KLRG1: variants seen among roughly 807,000 people sequenced by gnomAD.
KLRG1 encodes the protein killer cell lectin-like receptor subfamily G member 1.
A neutral mutation model predicts 21.8 loss-of-function variants in KLRG1; 16 were observed. The ratio of observed to expected loss-of-function variants is 0.73; its 90% CI spans 0.50 to 1.11. The LOEUF is 1.11. Ranked by LOEUF, KLRG1 falls within the 50% of genes most tolerant of loss-of-function variation. The pLI is 0.00. For missense variants in KLRG1, 173 were observed against 218.3 expected (o/e 0.79, Z 1.31); for synonymous variants, 69 against 75.9 (o/e 0.91, Z 0.47).
the KLRG1 span, among the ~76,000 whole-genome samples, chr12:9,125,373 G>A: frequency 3.9e-5 from 6 of 152,146 alleles, no homozygotes; most frequent in South Asian, 4.1e-4. Flanking sequence ...CCTGGATGCA[G>A]GACAAGAGCT....
At chr12:9,034,710 G>A in the KLRG1 span, among the ~76,000 whole-genome samples, 8 of 152,214 alleles carry the variant, frequency 5.3e-5, no homozygotes, top group African/African-American at 1.9e-4. Flanking sequence ...GCCTCCCAAA[G>A]TGTTGGGATT....
At chr12:8,975,804 C>T (rs752492905) in intron 1 of KLRG1, among the ~76,000 whole-genome samples, 22 of 152,226 alleles carry the variant, frequency 1.4e-4, no homozygotes, top group Admixed American at 7.2e-4. Context: ...TCAGGTGATC[C>T]GCCCACCTTG....
chr12:9,012,564 C>T (rs752528252), downstream of KLRG1, among the ~76,000 whole-genome samples: 38 of 151,894 alleles, frequency 2.5e-4, no homozygotes, highest in African/African-American at 8.5e-4. Context: ...CTATGGTAGC[C>T]ATGGGGAGAG....
At chr12:9,011,568 A>T (rs1392619161), downstream of KLRG1, among the ~76,000 whole-genome samples, 5 of 152,208 alleles carry the variant, frequency 3.3e-5, no homozygotes, top group African/African-American at 7.2e-5. Flanking sequence ...GAGGAGGTGG[A>T]GCAAGAACAA....
chr12:9,153,046 C>T, the KLRG1 span: 17 of 1,604,510 alleles, frequency 1.1e-5, no homozygotes, highest in East Asian at 3.3e-4. Context: ...TTTACTTTCC[C>T]AGGAAGGAAG....
At chr12:9,210,546 T>A in the KLRG1 span, among the ~76,000 whole-genome samples, 1 of 152,152 alleles carries the variant, frequency 6.6e-6, no homozygotes, top group East Asian at 1.9e-4. Flanking sequence ...CCCTTTGGGT[T>A]GCTATGTTGC....
chr12:9,004,927 T>A (rs1330364406), intron 3 of KLRG1, among the ~76,000 whole-genome samples: 2 of 152,210 alleles, frequency 1.3e-5, no homozygotes, highest in East Asian at 1.9e-4. Context: ...AACATTTTTT[T>A]AAATTGGCAC....
At chr12:9,080,354 GTGATT>G in the KLRG1 span, 1 of 390,008 alleles carries the variant, frequency 2.6e-6, no homozygotes, top group Non-Finnish European at 4.6e-6. Flanking sequence ...CTGGTTTCCT[GTGATT>G]TTCAGAATTT....
At chr12:9,071,555 A>G in the KLRG1 span, among the ~76,000 whole-genome samples, 2,465 of 152,154 alleles carry the variant, frequency 0.016, 69 homozygotes, top group African/African-American at 0.057. Context: ...TAAATTTTGC[A>G]CTGAATTGTT....
the KLRG1 span, among the ~76,000 whole-genome samples, chr12:9,149,172 C>G: frequency 2.0e-5 from 3 of 152,146 alleles, no homozygotes; most frequent in Admixed American, 6.5e-5. Context: ...ACAAAGGCAG[C>G]CATAGCCAAT....
chr12:9,027,169 T>TA, the KLRG1 span, among the ~76,000 whole-genome samples: 9 of 152,122 alleles, frequency 5.9e-5, no homozygotes, highest in Middle Eastern at 3.2e-3. Context: ...TGAGAACACT[T>TA]AAAATCTATT....
chr12:9,090,026 G>GA, the KLRG1 span: 59 of 1,576,106 alleles, frequency 3.7e-5, no homozygotes, highest in South Asian at 1.7e-4. Flanking sequence ...CACATTTCCT[G>GA]AAAAAAAAGG....
At chr12:9,209,536 C>A in the KLRG1 span, among the ~76,000 whole-genome samples, 2 of 152,176 alleles carry the variant, frequency 1.3e-5, no homozygotes, top group South Asian at 2.1e-4. Context: ...TGTTTAAGGT[C>A]ATTTCTTCTT....
the KLRG1 span, chr12:9,098,586 C>T: frequency 1.9e-5 from 30 of 1,580,866 alleles, no homozygotes; most frequent in Middle Eastern, 1.9e-4. Flanking sequence ...TTCTTGATTC[C>T]TGAGGCTGCC....
At chr12:9,019,980 A>G in the KLRG1 span, among the ~76,000 whole-genome samples, 11 of 151,492 alleles carry the variant, frequency 7.3e-5, no homozygotes, top group Non-Finnish European at 1.3e-4. Flanking sequence ...CCACTTTTCA[A>G]CTCTTTCCAA....
the KLRG1 span, among the ~76,000 whole-genome samples, chr12:9,191,759 A>G: frequency 2.6e-5 from 4 of 152,246 alleles, no homozygotes; most frequent in South Asian, 2.1e-4. Context: ...AGTGAATCCA[A>G]TTTCGTATAT....
At chr12:9,181,972 C>T in the KLRG1 span, 10 of 1,612,142 alleles carry the variant, frequency 6.2e-6, no homozygotes, top group African/African-American at 5.3e-5. Flanking sequence ...TTAAATCGCT[C>T]ACCTTGTTGG....
chr12:9,161,222 TA>T, the KLRG1 span: 1 of 928,046 alleles, frequency 1.1e-6, no homozygotes, highest in Non-Finnish European at 1.6e-6. Flanking sequence ...CTGGATATGG[TA>T]CTGGCCCTGC....
At chr12:9,012,282 C>T (rs1038147290), downstream of KLRG1, among the ~76,000 whole-genome samples, 1 of 152,136 alleles carries the variant, frequency 6.6e-6, no homozygotes, top group African/African-American at 2.4e-5. Flanking sequence ...GGATACAGCT[C>T]AGCTACAGAA....
Sources: gnomAD v4.1 joint callset for allele counts (sites outside exome capture counted in the v4.1 genomes callset) on GRCh38, gnomAD v4.1.1 for gene constraint, MANE v1.5 for transcripts, NCBI Gene and HGNC (gene_info 2026-07-23, HGNC 2026-07-21) for gene names.